NUDT4: variants seen among roughly 807,000 people sequenced by gnomAD.
NUDT4 encodes nudix hydrolase 4.
In NUDT4, 5 loss-of-function variants were observed where a neutral mutation model predicts 23.1. The ratio of observed to expected loss-of-function variants is 0.22; its 90% confidence interval spans 0.11 to 0.46. The LOEUF (loss-of-function observed/expected upper bound fraction) is 0.46. Among genes scored for constraint, NUDT4 ranks in the 20% least tolerant of loss-of-function variants. NUDT4 has a pLI of 0.99. For synonymous variants in NUDT4, 50 were observed against 79.0 expected (o/e 0.63, Z 1.95); for missense variants, 96 against 211.6 (o/e 0.45, Z 3.39).
chr12:93,386,410 C>G (rs991170586), intron 1 of NUDT4, among the ~76,000 whole-genome samples: 10 of 151,976 alleles, frequency 6.6e-5, no homozygotes, highest in African/African-American at 2.4e-4. Context: ...AACTCAGTCT[C>G]CACTAAAAAT....
chr12:93,402,718 G>T lies in NUDT4; in HGVS notation c.*3339G>T, dbSNP rs1170896988. ...CTGCTGTTCTCCCCACCCCCGTGGA[G>T]TTGTGTCATTATTTTAATGAATGTG... On this transcript the variant is annotated 3_prime_UTR_variant, in exon 5 of 5. Coordinates refer to ENST00000415493, the MANE Select transcript of NUDT4 (RefSeq NM_019094.6). 1.3e-5 allele frequency: 2 copies of T among 152,164 alleles called. No homozygotes were observed. The highest frequency in any genetic ancestry group is 4.8e-5 in the African/African-American group (2 of 41,416). 9.4% of individuals were successfully genotyped at this position (152,164 alleles called of 1,614,324 possible). A position where few individuals can be genotyped will look rare whatever the true frequency, so the allele number is the denominator to read the frequency against.
At position 93,408,091 on chromosome 12, in the gene NUDT4, A is replaced by G. The variant is rs1565790531; in HGVS notation, c.*8712A>G. On this transcript the variant is annotated 3_prime_UTR_variant, in exon 5 of 5. Transcript: ENST00000415493. ...TGTAAATCACTATGTGATACTAGCT[A>G]TAACCATGAGCAATATTACGGGCAG... 1 of 152,226 alleles carries G rather than the reference A, an allele frequency of 6.6e-6. No homozygotes were observed. Among genetic ancestry groups the G allele is most frequent in the Non-Finnish European group, 1.5e-5 (1 of 68,034 alleles). The allele number at this position is 152,226 out of a possible 1,614,324, so 9.4% of individuals were successfully genotyped here.
intron 1 of NUDT4, among the ~76,000 whole-genome samples, chr12:93,393,957 T>A (rs962959453): frequency 1.6e-4 from 25 of 152,212 alleles, no homozygotes; most frequent in Admixed American, 1.6e-3. Context: ...TAAATAAACT[T>A]ATGTGACCAT....
At chr12:93,390,729 C>T (rs1291961276) in intron 1 of NUDT4, among the ~76,000 whole-genome samples, 1 of 152,068 alleles carries the variant, frequency 6.6e-6, no homozygotes, top group African/African-American at 2.4e-5. Flanking sequence ...CCACAGCCTC[C>T]TGAGTAGCTG....
chr12:93,401,921 G>GATTT lies in NUDT4; in HGVS notation c.*2543_*2546dup, dbSNP rs1877470941. The GATTT allele has an allele frequency of 1.0e-5, 1 of 96,834 alleles. No individual in the cohort carries two copies. The highest frequency in any genetic ancestry group is 4.2e-5 in the African/African-American group (1 of 23,812). 6.0% of individuals were successfully genotyped at this position (96,834 alleles called of 1,614,324 possible). On this transcript the variant is annotated 3_prime_UTR_variant, in exon 5 of 5. Coordinates refer to ENST00000415493, the MANE Select transcript of NUDT4 (RefSeq NM_019094.6). ...GCAGAGTGTTGGGACTGTCATTTGT[G>GATTT]ATTTTTTTTTTTTTTTTTTGGTGGG...
chr12:93,395,069 A>G (rs11107011), intron 2 of NUDT4, among the ~76,000 whole-genome samples: 75,638 of 151,726 alleles, frequency 0.5, 19,808 homozygotes, highest in African/African-American at 0.65. Flanking sequence ...GACTGGTCTC[A>G]AACCCCTGAC....
At chr12:93,381,654 C>A (rs964234168) in intron 1 of NUDT4, among the ~76,000 whole-genome samples, 1 of 152,102 alleles carries the variant, frequency 6.6e-6, no homozygotes, top group Admixed American at 6.5e-5. Context: ...AGGGACCAGG[C>A]GTCCCAAATA....
intron 1 of NUDT4, among the ~76,000 whole-genome samples, chr12:93,390,248 G>C (rs966593457): frequency 1.3e-5 from 2 of 152,176 alleles, no homozygotes; most frequent in African/African-American, 4.8e-5. Context: ...ATAGAAACCA[G>C]TTTATTCCTA....
intron 1 of NUDT4, among the ~76,000 whole-genome samples, chr12:93,390,647 C>T (rs1404638351): frequency 1.3e-5 from 2 of 152,100 alleles, no homozygotes; most frequent in African/African-American, 4.8e-5. Context: ...TTCTGTCGCC[C>T]AGGCTGGAGT....
At chr12:93,380,570 A>T (rs565939297) in intron 1 of NUDT4, among the ~76,000 whole-genome samples, 1 of 152,320 alleles carries the variant, frequency 6.6e-6, no homozygotes, top group East Asian at 1.9e-4. Context: ...TCATCTTGTT[A>T]GAGGATATGA....
chr12:93,396,900 A>T (rs1396960152), intron 3 of NUDT4, among the ~76,000 whole-genome samples: 3 of 152,210 alleles, frequency 2.0e-5, no homozygotes, highest in Non-Finnish European at 2.9e-5. Context: ...TTCAAGTAGA[A>T]TTCAGTCTTT....
intron 3 of NUDT4, among the ~76,000 whole-genome samples, chr12:93,397,530 T>G (rs756902499): frequency 6.7e-6 from 1 of 149,248 alleles, no homozygotes; most frequent in Non-Finnish European, 1.5e-5. Flanking sequence ...TTATTTAATT[T>G]ATGTTTTTTT....
At chr12:93,390,287 C>T (rs976988465) in intron 1 of NUDT4, among the ~76,000 whole-genome samples, 1 of 152,168 alleles carries the variant, frequency 6.6e-6, no homozygotes, top group Admixed American at 6.5e-5. Flanking sequence ...GAAAAAGAGG[C>T]CTGTAACTCT....
rs1355018245 is a variant in NUDT4, at chr12:93,404,081, A to G, written c.*4702A>G. 6.6e-6 allele frequency: 1 copy of G among 152,246 alleles called. No homozygotes were observed. The highest frequency in any genetic ancestry group is 2.4e-5 in the African/African-American group (1 of 41,458). 9.4% of individuals were successfully genotyped at this position (152,246 alleles called of 1,614,324 possible). A position where few individuals can be genotyped will look rare whatever the true frequency, so the allele number is the denominator to read the frequency against. ...CTCCTGATGCTAATCAGTATCAGAC[A>G]ATGGAAGTAAATTTTCCTGCTTTTC... On this transcript the variant is annotated 3_prime_UTR_variant, in exon 5 of 5. Transcript: ENST00000415493.
At chr12:93,390,641 G>T (rs1463078133) in intron 1 of NUDT4, among the ~76,000 whole-genome samples, 3 of 151,990 alleles carry the variant, frequency 2.0e-5, no homozygotes, top group Non-Finnish European at 4.4e-5. Context: ...GTCTCATTCT[G>T]TCGCCCAGGC....
intron 3 of NUDT4, 36 bp downstream of exon 3, chr12:93,395,569 A>G (rs534957627): frequency 2.0e-5 from 30 of 1,511,202 alleles, no homozygotes; most frequent in Non-Finnish European, 2.6e-5. Flanking sequence ...TGCTGATAAT[A>G]GAATTAATGA....
At chr12:93,394,968 C>A (rs1240151752) in intron 2 of NUDT4, among the ~76,000 whole-genome samples, 1 of 152,128 alleles carries the variant, frequency 6.6e-6, no homozygotes, top group East Asian at 1.9e-4. Flanking sequence ...CCAGCTTCAG[C>A]CTCCCGAGTA....
chr12:93,383,416 C>T (rs1456411430), intron 1 of NUDT4, among the ~76,000 whole-genome samples: 2 of 152,184 alleles, frequency 1.3e-5, no homozygotes, highest in Non-Finnish European at 2.9e-5. Context: ...TCTAATAACA[C>T]GGCTGGCCTA....
intron 1 of NUDT4, among the ~76,000 whole-genome samples, chr12:93,383,188 A>G (rs1252404044): frequency 6.6e-6 from 1 of 152,120 alleles, no homozygotes; most frequent in Non-Finnish European, 1.5e-5. Flanking sequence ...ATCCATGGTC[A>G]ACCTGATTTA....
Sources: gnomAD v4.1 joint callset for allele counts (sites outside exome capture counted in the v4.1 genomes callset) on GRCh38, gnomAD v4.1.1 for gene constraint, MANE v1.5 for transcripts, NCBI Gene and HGNC (gene_info 2026-07-23, HGNC 2026-07-21) for gene names.